TBATA: variants seen among roughly 807,000 people sequenced by gnomAD.
TBATA encodes the protein protein TBATA.
TBATA carries 47 observed loss-of-function variants against 38.7 expected under a neutral mutation model. That is an observed-to-expected ratio of 1.21 (90% CI 0.96 to 1.55). The LOEUF is 1.55. Ranked by LOEUF, TBATA falls within the 40% of genes most tolerant of loss-of-function variation. The probability of loss-of-function intolerance (pLI) is 0.00; values close to 1 mark genes in which losing one functional copy is unlikely to be tolerated. For missense variants in TBATA, 436 were observed against 435.6 expected (o/e 1.00, Z -0.01); for synonymous variants, 183 against 170.5 (o/e 1.07, Z -0.57).
At position 70,772,507 on chromosome 10, in the gene TBATA, A is replaced by G. The variant is rs754410048; in HGVS notation, c.973+7T>C. The G allele has an allele frequency of 6.2e-7, 1 of 1,614,110 alleles. No homozygotes were observed. Among genetic ancestry groups the G allele is most frequent in the Admixed American group, 1.7e-5 (1 of 60,030 alleles). On this transcript the variant is annotated splice_region_variant and intron_variant, in intron 10 of 10. Transcript: ENST00000456372. The stretch of plus-strand genomic sequence containing the variant: ...TCCCCCAAATGACCCACTACTTGGA[A>G]TCTTACCTGGTTTTTCGCTTTTTGT...
At chr10:70,776,190 G>C (rs190016308) in intron 7 of TBATA, among the ~76,000 whole-genome samples, 4 of 152,314 alleles carry the variant, frequency 2.6e-5, no homozygotes, top group African/African-American at 9.6e-5. Context: ...CCTCAGCAGA[G>C]TGGAATCTGG....
chr10:70,782,327 A>G (rs930066942), intron 3 of TBATA: 8 of 1,438,730 alleles, frequency 5.6e-6, no homozygotes, highest in Non-Finnish European at 7.4e-6. Context: ...CATATCTGAA[A>G]CCAGAAAGAG....
At chr10:70,771,566 GC>G in intron 10 of TBATA, 105 bp from the exon 11 acceptor site, 1 of 1,050,248 alleles carries the variant, frequency 9.5e-7, no homozygotes. Flanking sequence ...TCTGAGTCAA[GC>G]CCAGCTCCTG....
chr10:70,774,322 C>T lies in TBATA; in HGVS notation c.811G>A (p.Val271Met). The T allele has an allele frequency of 6.2e-7, 1 of 1,605,240 alleles. No individual in the cohort carries two copies. The highest frequency in any genetic ancestry group is 8.5e-7 in the Non-Finnish European group (1 of 1,176,642). ...AGGGGCTGGGGAAGGAGCTGAGCCACTGCTGTCTGCAGGAGTCCCAGAGCG... is the reference window on the plus strand; with the variant it reads ...AGGGGCTGGGGAAGGAGCTGAGCCATTGCTGTCTGCAGGAGTCCCAGAGCG... ...DLALGLLQTA[V>M]AQLLPQPLVS... Residue 271 changes from valine to methionine, a missense_variant, in exon 9 of 11, where the codon GTG (valine) becomes ATG (methionine). Coordinates refer to ENST00000456372, the MANE Select transcript of TBATA (RefSeq NM_001318241.2).
chr10:70,776,108 C>T (rs181610620), intron 7 of TBATA, among the ~76,000 whole-genome samples: 5 of 152,218 alleles, frequency 3.3e-5, no homozygotes, highest in Non-Finnish European at 5.9e-5. Context: ...AAAGTGAGGC[C>T]CCCTCAGCTC....
rs764219547 is a variant in TBATA, at chr10:70,781,816, C to G, written c.262G>C (p.Val88Leu). The G allele has an allele frequency of 6.2e-7, 1 of 1,613,970 alleles. No homozygotes were observed. ...CAGGCCCTACCTTGGATGTGGGTCA[C>G]GTGCTGGGGGTGTGGGTGGTGCCGG... Reference protein sequence around the residue: ...FSRHHPHPQHVTHIQDLTGKP... With the variant: ...FSRHHPHPQHLTHIQDLTGKP... Residue 88 changes from valine (V) to leucine (L), a missense_variant, in exon 4 of 11, where the codon GTG (valine) becomes CTG (leucine). Physicochemically the swap from Val to Leu is conservative, Grantham distance 32. Coordinates refer to ENST00000456372, the MANE Select transcript of TBATA (RefSeq NM_001318241.2).
chr10:70,772,264 T>C, intron 10 of TBATA: 2 of 678,678 alleles, frequency 2.9e-6, no homozygotes, highest in East Asian at 2.9e-5. Context: ...TATTCCTCCT[T>C]GCTGGGATGT....
At chr10:70,776,436 G>T (rs1386496633) in intron 7 of TBATA, 2 of 456,012 alleles carry the variant, frequency 4.4e-6, no homozygotes, top group Admixed American at 2.4e-5. Context: ...CGTCTCAGGG[G>T]ACCTGGCCCA....
chr10:70,779,502 G>A, intron 5 of TBATA, 91 bp downstream of exon 5: 2 of 1,368,124 alleles, frequency 1.5e-6, no homozygotes, highest in South Asian at 1.8e-5. Flanking sequence ...AAGAGCGATG[G>A]CCCTTTCCTT....
Position 70,771,325 on chromosome 10 carries a change from T to C in TBATA, c.*51A>G. On this transcript the variant is annotated 3_prime_UTR_variant, in exon 11 of 11. Coordinates refer to ENST00000456372, the MANE Select transcript of TBATA (RefSeq NM_001318241.2). Reference sequence around the variant, plus strand: ...AAGGTGGTGGAGACAGAAACACCCCTGAACCCTTGGGGCTGCTCTTGAGCA... The same window carrying C: ...AAGGTGGTGGAGACAGAAACACCCCCGAACCCTTGGGGCTGCTCTTGAGCA... 1 of 1,613,864 alleles carries C rather than the reference T, an allele frequency of 6.2e-7. No homozygotes were observed. Among genetic ancestry groups the C allele is most frequent in the Non-Finnish European group, 8.5e-7 (1 of 1,179,834 alleles).
rs369280065 is a variant in TBATA at position 70,777,188 on chromosome 10, C to G, written c.658G>C (p.Val220Leu). 2 of 1,613,196 alleles carry G rather than the reference C, an allele frequency of 1.2e-6. No homozygotes were observed. The highest frequency in any genetic ancestry group is 1.7e-6 in the Non-Finnish European group (2 of 1,179,946). Reference sequence around the variant, plus strand: ...TGATCCTGAAGGAGGAAAGCCTGGACTCCTTCATGTCTGCTGGAAGACTGA... The same window carrying G: ...TGATCCTGAAGGAGGAAAGCCTGGAGTCCTTCATGTCTGCTGGAAGACTGA... The part of the protein sequence containing the change: ...QSQSSSRHEG[V>L]QAFLLQDQEL... Residue 220 changes from valine to leucine, a missense_variant, in exon 7 of 11, where the codon GTC becomes CTC. Transcript: ENST00000456372.
chr10:70,780,519 T>C (rs892762613), intron 4 of TBATA, among the ~76,000 whole-genome samples: 2 of 151,942 alleles, frequency 1.3e-5, no homozygotes, highest in Non-Finnish European at 2.9e-5. Context: ...TTCTCTCCGG[T>C]AGCTACACGG....
chr10:70,775,658 G>C (rs143604816), intron 7 of TBATA, among the ~76,000 whole-genome samples: 36 of 152,222 alleles, frequency 2.4e-4, no homozygotes, highest in African/African-American at 8.2e-4. Flanking sequence ...GCCAAGGTCC[G>C]AGCTGGCCAG....
At chr10:70,782,242 T>C (rs1844310678) in intron 3 of TBATA, 2 of 1,413,834 alleles carry the variant, frequency 1.4e-6, no homozygotes, top group South Asian at 1.2e-5. Context: ...TCCTGGTTAG[T>C]CTTCCTTATC....
chr10:70,777,589 C>T (rs757504709), intron 6 of TBATA, among the ~76,000 whole-genome samples: 12 of 152,166 alleles, frequency 7.9e-5, no homozygotes, highest in Non-Finnish European at 1.2e-4. Context: ...TATCAGCTAT[C>T]ACGCTTAAAC....
chr10:70,772,550 T>G lies in TBATA; in HGVS notation c.937A>C (p.Thr313Pro). The G allele has an allele frequency of 6.2e-7, 1 of 1,614,154 alleles. No homozygotes were observed. The highest frequency in any genetic ancestry group is 8.5e-7 in the Non-Finnish European group (1 of 1,180,024). ...EPPCSQSPKK[T>P]KISPFTKSEK... is the part of the protein sequence containing the mutation. ...CTTTTTGTAAAAGGTGATATCTTCG[T>G]TTTCTTCGGGGATTGACTGTGACCA... The change falls in exon 10 of 11, where the codon ACG becomes CCG. Residue 313 changes from threonine to proline, a missense_variant. Thr to Pro is a conservative substitution (Grantham distance 38). Coordinates refer to ENST00000456372, the MANE Select transcript of TBATA (RefSeq NM_001318241.2).
In TBATA at chr10:70,772,513, C is replaced by T; in HGVS notation, c.973+1G>A. 6.2e-7 allele frequency: 1 copy of T among 1,614,096 alleles called. No individual in the cohort carries two copies. Among genetic ancestry groups the T allele is most frequent in the East Asian group, 2.2e-5 (1 of 44,882 alleles). Reference sequence around the variant, plus strand: ...AAATGACCCACTACTTGGAATCTTACCTGGTTTTTCGCTTTTTGTAAAAGG... The same window carrying T: ...AAATGACCCACTACTTGGAATCTTATCTGGTTTTTCGCTTTTTGTAAAAGG... On this transcript the variant is annotated splice_donor_variant, in intron 10 of 10. Transcript: ENST00000456372. LOFTEE classifies it high-confidence loss of function.
intron 8 of TBATA, 120 bp downstream of exon 8, chr10:70,775,069 T>A (rs1843210817): frequency 1.1e-6 from 1 of 889,202 alleles, no homozygotes; most frequent in African/African-American, 1.7e-5. Context: ...AGGAGAGGCC[T>A]CCATGGAAGG....
intron 7 of TBATA, among the ~76,000 whole-genome samples, chr10:70,776,763 C>T (rs543890728): frequency 3.9e-5 from 6 of 152,286 alleles, no homozygotes; most frequent in East Asian, 1.9e-4. Context: ...CCAGGCCCCT[C>T]GCTGAGTGTG....
Sources: gnomAD v4.1 joint callset for allele counts (sites outside exome capture counted in the v4.1 genomes callset) on GRCh38, gnomAD v4.1.1 for gene constraint, MANE v1.5 for transcripts, NCBI Gene and HGNC (gene_info 2026-07-23, HGNC 2026-07-21) for gene names.